LVRN: variants seen among roughly 807,000 people sequenced by gnomAD.
LVRN encodes the protein aminopeptidase Q.
LVRN carries 99 observed loss-of-function variants against 111.4 expected under a neutral mutation model. The observed-to-expected ratio is 0.89, with a 90% confidence interval of 0.76 to 1.05. LVRN has a LOEUF of 1.05. LVRN is among the 50% of genes least tolerant of loss of function. LVRN has a pLI of 0.00. For synonymous variants in LVRN, 488 were observed against 449.5 expected (o/e 1.09, Z -1.08); for missense variants, 1,414 against 1,206.8 (o/e 1.17, Z -2.54).
chr5:115,990,746 AT>A (rs199969043), intron 4 of LVRN, among the ~76,000 whole-genome samples: 3,387 of 151,952 alleles, frequency 0.022, 138 homozygotes, highest in African/African-American at 0.077. Context: ...TAATTTTTCT[AT>A]TTGTAGTAGA....
chr5:115,963,008 G>C lies in LVRN; in HGVS notation c.391G>C (p.Val131Leu), dbSNP rs1315507625. ...CGGGTCTTTGCCCTTCACTGGCCGC[G>C]TGAACATCACGGTGCGCTGCACGGT... is the stretch of plus-strand genomic sequence containing the variant. Reference protein sequence around the residue: ...PAGSLPFTGRVNITVRCTVAT... With the variant: ...PAGSLPFTGRLNITVRCTVAT... Residue 131 changes from valine (V) to leucine (L), a missense_variant, in exon 1 of 20, where the codon GTG (valine) becomes CTG (leucine). Val to Leu is a conservative substitution (Grantham distance 32). Transcript: ENST00000357872. 6.2e-7 allele frequency: 1 copy of C among 1,613,446 alleles called. No individual in the cohort carries two copies. Among genetic ancestry groups the C allele is most frequent in the African/African-American group, 1.3e-5 (1 of 74,908 alleles).
At position 115,962,675 on chromosome 5, in the gene LVRN, G is replaced by C; in HGVS notation, c.58G>C (p.Ala20Pro). 1.2e-6 allele frequency: 2 copies of C among 1,610,432 alleles called. No homozygotes were observed. Among genetic ancestry groups the C allele is most frequent in the Non-Finnish European group, 8.5e-7 (1 of 1,179,644 alleles). ...GAGCCGCGCAGTGGCCCTGCTGCTG[G>C]CTGGGCTGGTAGCCGCCCTCCTGCT... Reference protein sequence around the residue: ...YVSRAVALLLAGLVAALLLAL... With the variant: ...YVSRAVALLLPGLVAALLLAL... Residue 20 changes from alanine to proline, a missense_variant, in exon 1 of 20, where the codon GCT becomes CCT. Transcript: ENST00000357872.
chr5:116,024,692 C>T (rs746300181), intron 19 of LVRN, among the ~76,000 whole-genome samples: 1 of 152,052 alleles, frequency 6.6e-6, no homozygotes, highest in Non-Finnish European at 1.5e-5. Context: ...AAATGAGGTT[C>T]GTATAAATTT....
rs186404728 is a variant in LVRN at position 115,963,031 on chromosome 5, G to T, written c.414G>T (p.Thr138=). 6.2e-7 allele frequency: 1 copy of T among 1,613,596 alleles called. No homozygotes were observed. Among genetic ancestry groups the T allele is most frequent in the Non-Finnish European group, 8.5e-7 (1 of 1,179,900 alleles). Reference sequence around the variant, plus strand: ...GCGTGAACATCACGGTGCGCTGCACGGTGGCCACCTCTCGACTGCTGCTGC... The same window carrying T: ...GCGTGAACATCACGGTGCGCTGCACTGTGGCCACCTCTCGACTGCTGCTGC... The part of the protein sequence containing the change: ...TGRVNITVRC[T]VATSRLLLHS... The change falls in exon 1 of 20, where the codon ACG becomes ACT. Residue 138 remains threonine (T), a synonymous_variant. Coordinates refer to ENST00000357872, the MANE Select transcript of LVRN (RefSeq NM_173800.5).
chr5:115,966,510 G>A (rs116717436), intron 1 of LVRN, among the ~76,000 whole-genome samples: 2,281 of 152,250 alleles, frequency 0.015, 55 homozygotes, highest in African/African-American at 0.052. Context: ...ATGAATAATT[G>A]TGTACAAGTT....
chr5:115,999,985 A>T (rs1748203252), intron 7 of LVRN, 83 bp downstream of exon 7: 1 of 1,397,570 alleles, frequency 7.2e-7, no homozygotes, highest in African/African-American at 1.5e-5. Context: ...CTATATCATC[A>T]TACAACTTAA....
intron 1 of LVRN, among the ~76,000 whole-genome samples, chr5:115,973,478 G>A (rs142093259): frequency 4.5e-4 from 68 of 152,202 alleles, no homozygotes; most frequent in Non-Finnish European, 7.4e-4. Flanking sequence ...TATAAAATTG[G>A]TAATATTTCT....
chr5:115,999,196 G>A (rs7710003), intron 6 of LVRN, among the ~76,000 whole-genome samples: 47,712 of 152,038 alleles, frequency 0.31, 7,836 homozygotes, highest in African/African-American at 0.35. Context: ...CTGAGAGAGA[G>A]CTAGTCTTTT....
intron 1 of LVRN, among the ~76,000 whole-genome samples, chr5:115,971,518 A>C (rs1030950161): frequency 6.6e-6 from 1 of 152,080 alleles, no homozygotes; most frequent in Admixed American, 6.5e-5. Flanking sequence ...TGGATTAAAG[A>C]GTTTTTTTGC....
chr5:115,998,916 G>A (rs1013601910), intron 6 of LVRN, among the ~76,000 whole-genome samples: 2 of 152,184 alleles, frequency 1.3e-5, no homozygotes, highest in Admixed American at 1.3e-4. Flanking sequence ...GGATTGATGA[G>A]AACATTGGCA....
chr5:115,995,159 AT>A (rs1018232126), intron 6 of LVRN, among the ~76,000 whole-genome samples: 67 of 152,220 alleles, frequency 4.4e-4, no homozygotes, highest in Admixed American at 1.2e-3. Flanking sequence ...CTAAGATGAT[AT>A]TCGTCCTATT....
At chr5:116,007,676 C>G (rs147155980) in intron 13 of LVRN, among the ~76,000 whole-genome samples, 6 of 152,128 alleles carry the variant, frequency 3.9e-5, no homozygotes, top group African/African-American at 1.4e-4. Context: ...AGGCATACCT[C>G]GTTTTATTGT....
intron 1 of LVRN, among the ~76,000 whole-genome samples, chr5:115,974,083 GT>G (rs1216043913): frequency 6.6e-6 from 1 of 152,076 alleles, no homozygotes; most frequent in African/African-American, 2.4e-5. Context: ...AAGGTTTCCT[GT>G]TTTAGCTCAG....
intron 1 of LVRN, among the ~76,000 whole-genome samples, chr5:115,972,805 C>A (rs996803747): frequency 1.3e-5 from 2 of 152,018 alleles, no homozygotes; most frequent in African/African-American, 4.8e-5. Context: ...GAGCTATGAT[C>A]AGGAATGGAT....
At position 115,987,643 on chromosome 5, in the gene LVRN, C is replaced by G. The variant is rs1747895505; in HGVS notation, c.979-170C>G. On this transcript the variant is annotated intron_variant, in intron 3 of 19. Transcript: ENST00000357872. ...GAATCACTGTTCATAACTTAGTGAA[C>G]AGCCTTCAGGGGTTTTCTCAGGACA... 2.6e-5 allele frequency among the ~76,000 whole-genome samples: 4 copies of G among 152,118 alleles called. No homozygotes were observed. In the South Asian group the frequency reaches 8.3e-4, roughly 31 times the overall value.
At chr5:115,986,964 A>G (rs1747883472) in intron 3 of LVRN, among the ~76,000 whole-genome samples, 1 of 152,192 alleles carries the variant, frequency 6.6e-6, no homozygotes, top group Non-Finnish European at 1.5e-5. Context: ...GGTAACTTTC[A>G]TTCCAAGATC....
At chr5:116,024,172 A>G (rs1322097861) in intron 19 of LVRN, among the ~76,000 whole-genome samples, 2 of 152,218 alleles carry the variant, frequency 1.3e-5, no homozygotes, top group Non-Finnish European at 2.9e-5. Flanking sequence ...AGGGGTACAC[A>G]GTGGTCAAAA....
intron 19 of LVRN, among the ~76,000 whole-genome samples, chr5:116,024,422 T>G (rs1006986421): frequency 2.0e-5 from 3 of 152,152 alleles, no homozygotes; most frequent in African/African-American, 7.2e-5. Context: ...GATATCATTG[T>G]TATCATGAGA....
rs376871499 is a variant in LVRN at position 115,984,539 on chromosome 5, C to T, written c.839-31C>T. The T allele has an allele frequency of 1.9e-6, 3 of 1,609,280 alleles. No individual in the cohort carries two copies. In the African/African-American group the frequency reaches 4.0e-5, roughly 22 times the overall value. ...AAAGACATGTAATTGCTTAGATTTG[C>T]TGTGATTTGAACTAAAATAAAATTC... On this transcript the variant is annotated intron_variant, in intron 2 of 19. Transcript: ENST00000357872.
Sources: allele counts gnomAD v4.1 joint callset (sites outside exome capture counted in the v4.1 genomes callset), GRCh38; gene constraint gnomAD v4.1.1; transcripts MANE v1.5; gene names NCBI Gene and HGNC (gene_info 2026-07-23, HGNC 2026-07-21).